Variants in RYR1 observed in about 807,000 individuals in gnomAD.
RYR1 encodes the protein ryanodine receptor 1, also known as central core disease of muscle.
In RYR1, 342 loss-of-function variants were observed where a neutral mutation model predicts 583.5. The ratio of observed to expected loss-of-function variants is 0.59; its 90% CI spans 0.54 to 0.64. The LOEUF (loss-of-function observed/expected upper bound fraction) is 0.64, where lower values mean the gene tolerates loss of function less well. Ranked by LOEUF, RYR1 falls within the 30% of genes least tolerant of loss-of-function variation. The pLI is 0.00. For missense variants in RYR1, 6,032 were observed against 6,917.2 expected (o/e 0.87, Z 4.54); for synonymous variants, 2,791 against 2,822.5 (o/e 0.99, Z 0.35).
rs1421602137 is a variant in RYR1, at chr19:38,512,149, T to C, written c.9233+17T>C. 1 of 1,614,122 alleles carries C rather than the reference T, an allele frequency of 6.2e-7. No individual in the cohort carries two copies. The highest frequency in any genetic ancestry group is 8.5e-7 in the Non-Finnish European group (1 of 1,180,006). On this transcript the variant is annotated intron_variant, in intron 62 of 105. Coordinates refer to ENST00000359596, the MANE Select transcript of RYR1 (RefSeq NM_000540.3). This position sits in a 1 kb window ranked among gnomAD's most constrained non-coding sequence, Gnocchi z 5.1. ...GGATGCCAGGTAGGGCCATAGGCAG[T>C]GGCGCCCACTCCCACCATCATCGGG...
rs778155711 is a variant in RYR1, at chr19:38,561,413, G to A, written c.12583G>A (p.Glu4195Lys). The A allele has an allele frequency of 5.0e-6, 8 of 1,612,188 alleles. No individual in the cohort carries two copies. The highest frequency in any genetic ancestry group is 6.8e-6 in the Non-Finnish European group (8 of 1,179,938). The stretch of plus-strand genomic sequence containing the variant: ...ACGCCGCATCGAGCGCATCTACTTC[G>A]AGATCTCAGAGACCAACCGCGCCCA... ...ASRRIERIYF[E>K]ISETNRAQWE... Residue 4195 changes from glutamate (E) to lysine (K), a missense_variant, in exon 90 of 106, where the codon GAG (glutamate) becomes AAG (lysine). This residue lies in a region of RYR1 where 753 missense variants were observed against 759.6 expected (regional missense o/e 0.99). Transcript: ENST00000359596. This position sits in a 1 kb window ranked among gnomAD's most constrained non-coding sequence, Gnocchi z 4.8.
At chr19:38,509,294 C>CT (rs1436462888) in intron 58 of RYR1, among the ~76,000 whole-genome samples, 2 of 152,206 alleles carry the variant, frequency 1.3e-5, no homozygotes, top group East Asian at 3.9e-4. Context: ...GGGTTAGTTA[C>CT]TTCACCTGAG....
At chr19:38,475,178 T>A in intron 28 of RYR1, 140 bp from the exon 29 acceptor site, 1 of 1,139,410 alleles carries the variant, frequency 8.8e-7, no homozygotes. Context: ...CTGGGGTAGG[T>A]GGGAATCCAG....
At chr19:38,451,630 A>T in intron 11 of RYR1, 134 bp from the exon 12 acceptor site, 1 of 1,002,084 alleles carries the variant, frequency 1.0e-6, no homozygotes, top group Non-Finnish European at 1.6e-6. Flanking sequence ...CAGAAAAATG[A>T]GGAGGAATTT....
intron 20 of RYR1, among the ~76,000 whole-genome samples, chr19:38,462,469 G>T (rs4802481): frequency 0.63 from 94,137 of 150,376 alleles, 30,097 homozygotes; most frequent in Admixed American, 0.69. Context: ...CTCGTGGGCT[G>T]TCCACTCGGC....
chr19:38,464,278 G>GAAAA (rs547288253), intron 22 of RYR1, among the ~76,000 whole-genome samples: 699 of 64,188 alleles, frequency 0.011, 2 homozygotes, highest in Non-Finnish European at 0.014. Flanking sequence ...CACCGTTTCA[G>GAAAA]AAAAAAAAAA....
At chr19:38,461,194 G>A (rs886138769) in intron 20 of RYR1, among the ~76,000 whole-genome samples, 5 of 152,040 alleles carry the variant, frequency 3.3e-5, no homozygotes, top group African/African-American at 9.7e-5. Context: ...ATTTTGGGAA[G>A]CCGAAGTGGG....
rs1968006096 is a variant in RYR1, at chr19:38,464,790, G to A, written c.2870+68G>A. 60 of 1,405,000 alleles carry A rather than the reference G, an allele frequency of 4.3e-5. No homozygotes were observed. In the South Asian group the frequency reaches 5.7e-4, roughly 13 times the overall value. 87.0% of individuals were successfully genotyped at this position (1,405,000 alleles called of 1,614,324 possible). On this transcript the variant is annotated intron_variant, in intron 23 of 105. Coordinates refer to ENST00000359596, the MANE Select transcript of RYR1 (RefSeq NM_000540.3). ...GCTGGGGATGCTGTGCTAAGGGCTG[G>A]GGAGGTCGAGGGGTCTTGTGGGGAG... is the stretch of plus-strand genomic sequence containing the variant.
chr19:38,575,867 TCCCTCTGG>T, intron 96 of RYR1, 44 bp from the exon 97 acceptor site: 1 of 1,598,454 alleles, frequency 6.3e-7, no homozygotes, highest in Non-Finnish European at 8.6e-7. Context: ...ACAGCTCTGA[TCCCTCTGG>T]CCCTAACATC....
At chr19:38,507,886 C>T in intron 58 of RYR1, 59 bp downstream of exon 58, 1 of 1,013,596 alleles carries the variant, frequency 9.9e-7, no homozygotes, top group Non-Finnish European at 1.6e-6. Flanking sequence ...GTTCTGCAGA[C>T]CAGACTCACC....
chr19:38,496,845 C>T lies in RYR1; in HGVS notation c.6797-15C>T. The T allele has an allele frequency of 6.2e-7, 1 of 1,606,932 alleles. No individual in the cohort carries two copies. The highest frequency in any genetic ancestry group is 1.7e-4 in the Middle Eastern group (1 of 6,058). On this transcript the variant is annotated splice_polypyrimidine_tract_variant and intron_variant, in intron 41 of 105. Transcript: ENST00000359596. This position sits in a 1 kb window ranked among gnomAD's most constrained non-coding sequence, Gnocchi z 4.8. ...AGCAGGAGTGAGATGTTCTCCCCAC[C>T]TCTCGCCCCTGCAGGCATGCAGGGC...
chr19:38,532,809 C>A, intron 78 of RYR1, 73 bp downstream of exon 78: 1 of 1,477,594 alleles, frequency 6.8e-7, no homozygotes, highest in Non-Finnish European at 9.4e-7. Context: ...ATTCATTCAG[C>A]ATGTGTTCAC....
rs2145338219 is a variant in RYR1, at chr19:38,444,122, C to T, written c.425-27C>T. The stretch of plus-strand genomic sequence containing the variant: ...ATTCTGGGAAGCCATCATCTGACAG[C>T]CACCCCCATTCCATCCCCACCCATA... On this transcript the variant is annotated intron_variant, in intron 5 of 105. Transcript: ENST00000359596. This position sits in a 1 kb window ranked among gnomAD's most constrained non-coding sequence, Gnocchi z 5.1. The T allele has an allele frequency of 6.3e-7, 1 of 1,582,960 alleles. No homozygotes were observed. Among genetic ancestry groups the T allele is most frequent in the South Asian group, 1.1e-5 (1 of 90,478 alleles).
At chr19:38,502,760 G>T in intron 48 of RYR1, 33 bp downstream of exon 48, 4 of 615,848 alleles carry the variant, frequency 6.5e-6, no homozygotes, top group Non-Finnish European at 1.0e-5. Context: ...GTGGGGCAGG[G>T]GCAGGGGCAG....
At position 38,572,250 on chromosome 19, in the gene RYR1, A is replaced by T. The variant is rs776977485; in HGVS notation, c.13978A>T (p.Ile4660Phe). 3.0e-6 allele frequency: 4 copies of T among 1,350,288 alleles called. No homozygotes were observed. The highest frequency in any genetic ancestry group is 3.9e-6 in the Non-Finnish European group (4 of 1,021,312). The allele number at this position is 1,350,288 out of a possible 1,614,324, so 83.6% of individuals were successfully genotyped here. A position where few individuals can be genotyped will look rare whatever the true frequency, so the allele number is the denominator to read the frequency against. ...TACACTGGTGGCCTTTCTCTGCATC[A>T]TTGGCTATAATTGTCTCAAGGTGGG... Reference protein sequence around the residue: ...LHTLVAFLCIIGYNCLKVPLV... With the variant: ...LHTLVAFLCIFGYNCLKVPLV... Residue 4660 changes from isoleucine (I) to phenylalanine (F), a missense_variant, in exon 95 of 106, where the codon ATT becomes TTT. Ile to Phe is a conservative substitution (Grantham distance 21, BLOSUM62 0). This residue lies in a region of RYR1 where 188 missense variants were observed against 215.6 expected (regional missense o/e 0.87). Transcript: ENST00000359596.
At chr19:38,443,474 G>A in intron 3 of RYR1, 84 bp from the exon 4 acceptor site, 1 of 1,253,442 alleles carries the variant, frequency 8.0e-7, no homozygotes, top group South Asian at 1.3e-5. Flanking sequence ...GGAGCATCTT[G>A]TCACCTGTGA....
intron 58 of RYR1, among the ~76,000 whole-genome samples, chr19:38,510,191 C>G (rs563247365): frequency 6.6e-6 from 1 of 152,060 alleles, no homozygotes; most frequent in African/African-American, 2.4e-5. Flanking sequence ...TGTGTGGGAG[C>G]ATGTCTGTAA....
rs1971590432 is a variant in RYR1 at position 38,528,632 on chromosome 19, C to T, written c.10971C>T (p.Tyr3657=). The T allele has an allele frequency of 1.2e-6, 2 of 1,614,084 alleles. No homozygotes were observed. The highest frequency in any genetic ancestry group is 1.7e-5 in the Admixed American group (1 of 60,006). The change falls in exon 75 of 106, where the codon TAC becomes TAT. Residue 3657 remains tyrosine (Y), a synonymous_variant. Transcript: ENST00000359596. Reference sequence around the variant, plus strand: ...CATGTAACATGTTCCTGGAGAGCTACAAGGCTGCATGGATCCTGACTGAAG... The same window carrying T: ...CATGTAACATGTTCCTGGAGAGCTATAAGGCTGCATGGATCCTGACTGAAG... ...HRACNMFLES[Y]KAAWILTEDH...
chr19:38,532,531 T>C lies in RYR1; in HGVS notation c.11183T>C (p.Ile3728Thr), dbSNP rs757580935. Residue 3728 changes from isoleucine to threonine, a missense_variant, in exon 77 of 106, where the codon ATC becomes ACC. This residue lies in a region of RYR1 where 1,493 missense variants were observed against 1,715.5 expected (regional missense o/e 0.87). Coordinates refer to ENST00000359596, the MANE Select transcript of RYR1 (RefSeq NM_000540.3). Reference protein sequence around the residue: ...EDYLYMAYADIMAKSCHLEEG... With the variant: ...EDYLYMAYADTMAKSCHLEEG... ...TACCTGTACATGGCCTATGCTGATA[T>C]CATGGCAAAGGTGAGGCCCTACCCC... 14 of 1,614,056 alleles carry C rather than the reference T, an allele frequency of 8.7e-6. No individual in the cohort carries two copies. The highest frequency in any genetic ancestry group is 4.4e-5 in the South Asian group (4 of 91,088).
Sources: allele counts gnomAD v4.1 joint callset (sites outside exome capture counted in the v4.1 genomes callset), GRCh38; gene constraint gnomAD v4.1.1; regional missense constraint gnomAD v4.1.1; non-coding constraint Gnocchi (gnomAD v3.1); transcripts MANE v1.5; gene names NCBI Gene and HGNC (gene_info 2026-07-23, HGNC 2026-07-21).